CDIN1: variants seen among roughly 807,000 people sequenced by gnomAD.
CDIN1 encodes the protein CDAN1 interacting nuclease 1, also known as CDAN1-interacting nuclease 1.
In CDIN1, 33 loss-of-function variants were observed where a neutral mutation model predicts 45.3. The observed-to-expected ratio is 0.73, with a 90% confidence interval of 0.55 to 0.97. The LOEUF (loss-of-function observed/expected upper bound fraction) is 0.97. CDIN1 is among the 50% of genes least tolerant of loss of function. CDIN1 has a pLI of 0.00. For synonymous variants in CDIN1, 118 were observed against 124.4 expected (o/e 0.95, Z 0.34); for missense variants, 303 against 339.4 (o/e 0.89, Z 0.84).
intron 5 of CDIN1, among the ~76,000 whole-genome samples, chr15:36,659,357 C>T (rs1434713992): frequency 6.6e-6 from 1 of 152,046 alleles, no homozygotes; most frequent in African/African-American, 2.4e-5. Context: ...TTGATGTGTA[C>T]TGTATATCAG....
intron 1 of CDIN1, chr15:36,618,236 G>C: frequency 1.5e-6 from 1 of 674,186 alleles, no homozygotes; most frequent in Non-Finnish European, 2.7e-6. Context: ...TCATCCAGTG[G>C]TTCAGAACAC....
chr15:36,672,161 A>T (rs2041474883), intron 5 of CDIN1, among the ~76,000 whole-genome samples: 1 of 151,888 alleles, frequency 6.6e-6, no homozygotes, highest in Non-Finnish European at 1.5e-5. Context: ...TTTTTTTGAA[A>T]TAGGGAGAAA....
intron 1 of CDIN1, among the ~76,000 whole-genome samples, chr15:36,633,132 T>C (rs547000620): frequency 4.7e-4 from 71 of 152,334 alleles, no homozygotes; most frequent in African/African-American, 1.7e-3. Context: ...AATTTTGTTA[T>C]AAAATATAGC....
chr15:36,580,343 G>A (rs940668800), intron 1 of CDIN1, among the ~76,000 whole-genome samples: 8 of 152,158 alleles, frequency 5.3e-5, no homozygotes, highest in South Asian at 2.1e-4. Context: ...GCAAATGGAG[G>A]ACCCTTTTCA....
chr15:36,728,819 G>A (rs141621502), intron 10 of CDIN1, among the ~76,000 whole-genome samples: 2,102 of 152,058 alleles, frequency 0.014, 36 homozygotes, highest in Middle Eastern at 0.041. Context: ...GACTATAGAC[G>A]CGTGCCACCA....
chr15:36,645,571 C>T (rs2140412379), intron 3 of CDIN1, among the ~76,000 whole-genome samples: 1 of 151,010 alleles, frequency 6.6e-6, no homozygotes, highest in African/African-American at 2.4e-5. Context: ...ATTATGAAAT[C>T]TCAGTTGGCT....
chr15:36,665,596 A>G (rs770959208), intron 5 of CDIN1, among the ~76,000 whole-genome samples: 1 of 152,206 alleles, frequency 6.6e-6, no homozygotes, highest in Admixed American at 6.5e-5. Context: ...GGAAGGTCCA[A>G]AGAGATTGCA....
intron 10 of CDIN1, among the ~76,000 whole-genome samples, chr15:36,716,089 G>C (rs766183595): frequency 6.6e-6 from 1 of 152,096 alleles, no homozygotes; most frequent in Non-Finnish European, 1.5e-5. Flanking sequence ...TTAAATCAAA[G>C]AAAACAGATC....
At chr15:36,652,307 A>G (rs1049427685) in intron 3 of CDIN1, among the ~76,000 whole-genome samples, 2 of 152,206 alleles carry the variant, frequency 1.3e-5, no homozygotes, top group African/African-American at 4.8e-5. Context: ...GGCCTGACAC[A>G]TAGCGCTCCA....
chr15:36,775,792 G>T (rs1219423087), intron 10 of CDIN1, among the ~76,000 whole-genome samples: 1 of 152,136 alleles, frequency 6.6e-6, no homozygotes, highest in Non-Finnish European at 1.5e-5. Context: ...GATATTTATA[G>T]AAACCTACTT....
At chr15:36,629,276 T>A (rs564596136) in intron 1 of CDIN1, among the ~76,000 whole-genome samples, 1 of 152,354 alleles carries the variant, frequency 6.6e-6, no homozygotes, top group South Asian at 2.1e-4. Context: ...ATTTTTAAGA[T>A]AAAGTCTTGA....
At chr15:36,659,610 CAG>C (rs1456981050) in intron 5 of CDIN1, among the ~76,000 whole-genome samples, 3 of 149,360 alleles carry the variant, frequency 2.0e-5, no homozygotes, top group Non-Finnish European at 4.4e-5. Flanking sequence ...TGAGTTGTTA[CAG>C]AGTCAGGTTT....
chr15:36,672,935 T>C (rs2041506256), intron 5 of CDIN1, among the ~76,000 whole-genome samples: 1 of 152,034 alleles, frequency 6.6e-6, no homozygotes, highest in Non-Finnish European at 1.5e-5. Context: ...TTGACAAGTA[T>C]ACTAATTACT....
At chr15:36,622,790 A>G (rs1351384878) in intron 1 of CDIN1, among the ~76,000 whole-genome samples, 1 of 152,212 alleles carries the variant, frequency 6.6e-6, no homozygotes, top group Admixed American at 6.5e-5. Flanking sequence ...CTGGCCTTCT[A>G]GTAAGGGGCA....
At chr15:36,626,744 G>A in intron 1 of CDIN1, 1 of 415,532 alleles carries the variant, frequency 2.4e-6, no homozygotes, top group Non-Finnish European at 4.8e-6. Context: ...ATTGACTGGT[G>A]TTTTATAGTC....
chr15:36,794,536 A>C (rs923036197), intron 10 of CDIN1, among the ~76,000 whole-genome samples: 8 of 152,192 alleles, frequency 5.3e-5, no homozygotes, highest in Non-Finnish European at 1.2e-4. Context: ...TTTGAGTGAA[A>C]GCATACAGTA....
At chr15:36,796,785 A>G (rs2054814883) in intron 10 of CDIN1, among the ~76,000 whole-genome samples, 1 of 152,254 alleles carries the variant, frequency 6.6e-6, no homozygotes, top group South Asian at 2.1e-4. Context: ...TCAGAACTTC[A>G]TCTTGCAGAT....
chr15:36,598,669 C>T (rs575665750), intron 1 of CDIN1, among the ~76,000 whole-genome samples: 1 of 151,924 alleles, frequency 6.6e-6, no homozygotes, highest in Non-Finnish European at 1.5e-5. Flanking sequence ...ATTTCCCTCC[C>T]TTCCTCCCTT....
Position 36,720,848 on chromosome 15 carries a change from G to A in CDIN1, c.716+10887G>A, listed in dbSNP as rs754230388. ...TCCAGTTCTAGATCCTTGAGGGATC[G>A]CCATACTGTCTTCCACAATGGTTGA... is the stretch of plus-strand genomic sequence containing the variant. On this transcript the variant is annotated intron_variant, in intron 10 of 10. Transcript: ENST00000566621. Among the ~76,000 whole-genome samples, 62 of 152,116 alleles carry A rather than the reference G, an allele frequency of 4.1e-4. 1 individual carries two copies. The highest frequency in any genetic ancestry group is 2.5e-4 in the Non-Finnish European group (17 of 68,026).
Sources: allele counts gnomAD v4.1 joint callset (sites outside exome capture counted in the v4.1 genomes callset), GRCh38; gene constraint gnomAD v4.1.1; transcripts MANE v1.5; gene names NCBI Gene and HGNC (gene_info 2026-07-23, HGNC 2026-07-21).